Variants in CEP85 observed in about 807,000 individuals in gnomAD.
The protein encoded by CEP85 is centrosomal protein of 85 kDa.
Under a neutral mutation model 93.7 loss-of-function variants are expected in CEP85, and 58 were observed. The observed-to-expected ratio is 0.62, with a 90% CI of 0.50 to 0.77. CEP85 has a LOEUF of 0.77. Ranked by LOEUF, CEP85 falls within the 30% of genes least tolerant of loss-of-function variation. The probability of loss-of-function intolerance (pLI) is 0.00; values close to 1 mark genes in which losing one functional copy is unlikely to be tolerated. For missense variants in CEP85, 868 were observed against 922.0 expected, an observed-to-expected ratio of 0.94 and a Z score of 0.76; for synonymous variants, 314 against 338.6, an observed-to-expected ratio of 0.93 and a Z score of 0.80.
chr1:26,271,308 T>G (rs751813363), intron 10 of CEP85, among the ~76,000 whole-genome samples: 7 of 152,164 alleles, frequency 4.6e-5, no homozygotes, highest in Non-Finnish European at 1.0e-4. Context: ...CTTCACTCAT[T>G]TAGAATATAG....
Position 26,258,399 on chromosome 1 carries a change from T to C in CEP85, c.1155+139T>C, listed in dbSNP as rs912129510. 4.6e-6 allele frequency: 3 copies of C among 655,300 alleles called. No individual in the cohort carries two copies. The African/African-American group carries it at 5.4e-5, about 12-fold the overall frequency. The allele number at this position is 655,300 out of a possible 1,614,324, so 40.6% of individuals were successfully genotyped here. ...CCTGCCCTCAAAGAGGGCATACTAA[T>C]TATAAAGCACCCTTTATCATGCCCT... is the stretch of plus-strand genomic sequence containing the variant. On this transcript the variant is annotated intron_variant, in intron 6 of 13. Coordinates refer to ENST00000451429, the MANE Select transcript of CEP85 (RefSeq NM_001319944.2).
chr1:26,240,747 T>C (rs2089408631), intron 2 of CEP85, among the ~76,000 whole-genome samples: 1 of 151,952 alleles, frequency 6.6e-6, no homozygotes, highest in African/African-American at 2.4e-5. Flanking sequence ...ATACAAAAAT[T>C]AGCCGGGTGC....
intron 1 of CEP85, among the ~76,000 whole-genome samples, chr1:26,236,614 G>A (rs6656716): frequency 0.53 from 80,112 of 151,872 alleles, 22,311 homozygotes; most frequent in Non-Finnish European, 0.64. Flanking sequence ...CTTTCTTTCT[G>A]TTTTTCTTTT....
chr1:26,246,775 G>A (rs116273686), intron 3 of CEP85, among the ~76,000 whole-genome samples: 8 of 151,762 alleles, frequency 5.3e-5, no homozygotes, highest in Admixed American at 1.3e-4. Context: ...TTCAGGGATC[G>A]TTTCTGTAGT....
chr1:26,269,239 A>G (rs754336547), intron 8 of CEP85: 3 of 549,398 alleles, frequency 5.5e-6, no homozygotes, highest in Non-Finnish European at 9.8e-6. Context: ...AGTAGGGACT[A>G]CCTGCGTCAG....
At chr1:26,239,656 A>T in intron 1 of CEP85, 106 bp from the exon 2 acceptor site, 1 of 733,230 alleles carries the variant, frequency 1.4e-6, no homozygotes, top group Non-Finnish European at 2.4e-6. Flanking sequence ...CTGGCCAAAT[A>T]CTTGAATATT....
chr1:26,253,344 A>G (rs973000487), intron 3 of CEP85, among the ~76,000 whole-genome samples: 13 of 150,564 alleles, frequency 8.6e-5, no homozygotes, highest in African/African-American at 3.2e-4. Context: ...ACTGTGTACT[A>G]GAGTTCCCTT....
At chr1:26,248,035 G>C (rs1450530771) in intron 3 of CEP85, among the ~76,000 whole-genome samples, 1 of 152,102 alleles carries the variant, frequency 6.6e-6, no homozygotes, top group Non-Finnish European at 1.5e-5. Flanking sequence ...GAGTAGAATT[G>C]AATCATAGAT....
At chr1:26,272,667 C>T (rs1281385729) in intron 11 of CEP85, among the ~76,000 whole-genome samples, 4 of 118,366 alleles carry the variant, frequency 3.4e-5, no homozygotes, top group Non-Finnish European at 4.8e-5. Flanking sequence ...TCGCTCTTGT[C>T]GCCCAGGCTG....
intron 1 of CEP85, among the ~76,000 whole-genome samples, chr1:26,235,539 C>CGTG (rs2089311317): frequency 2.0e-5 from 3 of 146,364 alleles, no homozygotes; most frequent in African/African-American, 5.1e-5. Context: ...AGCTGCCAAG[C>CGTG]ATGATGTTCC....
At chr1:26,264,457 T>C (rs978044334) in intron 7 of CEP85, among the ~76,000 whole-genome samples, 18 of 152,172 alleles carry the variant, frequency 1.2e-4, no homozygotes, top group Admixed American at 3.3e-4. Context: ...CGCTTGAACC[T>C]GGGAGGTGGA....
chr1:26,242,715 C>T (rs2089446281), intron 2 of CEP85, among the ~76,000 whole-genome samples: 1 of 152,036 alleles, frequency 6.6e-6, no homozygotes, highest in Admixed American at 6.6e-5. Context: ...ACTAGATCAG[C>T]GAGTCTGTAG....
At chr1:26,272,232 C>A in intron 11 of CEP85, 161 bp downstream of exon 11, 1 of 686,064 alleles carries the variant, frequency 1.5e-6, no homozygotes, top group Non-Finnish European at 2.6e-6. Context: ...TGAGAGGACA[C>A]AAATATAGTA....
chr1:26,259,278 A>G (rs1375480720), intron 6 of CEP85, among the ~76,000 whole-genome samples: 2 of 152,234 alleles, frequency 1.3e-5, no homozygotes, highest in African/African-American at 2.4e-5. Flanking sequence ...GGTTCCTTCC[A>G]GTATACAATG....
intron 1 of CEP85, among the ~76,000 whole-genome samples, chr1:26,237,288 A>G (rs1318762018): frequency 6.6e-6 from 1 of 152,198 alleles, no homozygotes; most frequent in African/African-American, 2.4e-5. Context: ...TTGTGCAGTC[A>G]GTCACCACTA....
At chr1:26,274,687 C>T (rs1350791195) in intron 11 of CEP85, among the ~76,000 whole-genome samples, 1 of 151,962 alleles carries the variant, frequency 6.6e-6, no homozygotes, top group East Asian at 1.9e-4. Context: ...AGAGGCTGGC[C>T]ATGTGGAGGG....
At chr1:26,276,402 G>C (rs2090052735) in intron 12 of CEP85, 133 bp from the exon 13 acceptor site, 1 of 694,208 alleles carries the variant, frequency 1.4e-6, no homozygotes, top group African/African-American at 1.8e-5. Context: ...AAAGCCTGTT[G>C]GCAGGGGTAG....
intron 7 of CEP85, among the ~76,000 whole-genome samples, chr1:26,262,187 G>A (rs958660539): frequency 2.0e-5 from 3 of 152,036 alleles, no homozygotes; most frequent in Non-Finnish European, 4.4e-5. Context: ...CACGCCTATA[G>A]TCCCAGCTAC....
At chr1:26,250,366 C>T (rs574721481) in intron 3 of CEP85, among the ~76,000 whole-genome samples, 1 of 152,308 alleles carries the variant, frequency 6.6e-6, no homozygotes, top group South Asian at 2.1e-4. Flanking sequence ...CTAGGTTGCT[C>T]AGTCCTTACG....
Sources: gnomAD v4.1 joint callset for allele counts (sites outside exome capture counted in the v4.1 genomes callset) on GRCh38, gnomAD v4.1.1 for gene constraint, MANE v1.5 for transcripts, NCBI Gene and HGNC (gene_info 2026-07-23, HGNC 2026-07-21) for gene names.